The following SVIL variants were observed in gnomAD, a reference collection of about 807,000 sequenced individuals.
The protein encoded by SVIL is archvillin.
Under a neutral mutation model 240.4 loss-of-function variants are expected in SVIL, and 101 were observed. The ratio of observed to expected loss-of-function variants is 0.42; its 90% CI spans 0.36 to 0.50. The LOEUF (loss-of-function observed/expected upper bound fraction) is 0.50, where lower values mean the gene tolerates loss of function less well. Among genes scored for constraint, SVIL ranks in the 20% least tolerant of loss-of-function variants. The pLI is 0.01. For missense variants in SVIL, 2,512 were observed against 2,818.7 expected, an observed-to-expected ratio of 0.89 and a Z score of 2.46; for synonymous variants, 999 against 1,100.0, an observed-to-expected ratio of 0.91 and a Z score of 1.82.
chr10:29,539,822 C>T (rs941556709), intron 6 of SVIL, among the ~76,000 whole-genome samples: 1 of 152,148 alleles, frequency 6.6e-6, no homozygotes, highest in Admixed American at 6.5e-5. Context: ...TCTTAACTTC[C>T]CTCTGTCCCA....
chr10:29,467,603 T>C, intron 33 of SVIL, 139 bp downstream of exon 33: 2 of 1,097,390 alleles, frequency 1.8e-6, no homozygotes, highest in South Asian at 1.6e-5. Flanking sequence ...TGAGGCAGGC[T>C]GATCACTTGA....
chr10:29,682,030 C>G (rs543436549), intron 2 of SVIL, among the ~76,000 whole-genome samples: 1 of 152,244 alleles, frequency 6.6e-6, no homozygotes. Flanking sequence ...CTCAGCCCAT[C>G]AGAGAGTTTC....
chr10:29,641,494 G>A (rs1589439795), intron 3 of SVIL, among the ~76,000 whole-genome samples: 1 of 152,176 alleles, frequency 6.6e-6, no homozygotes, highest in East Asian at 1.9e-4. Context: ...CTTGAACCCA[G>A]GAAGCAGAGG....
chr10:29,495,680 T>C (rs1023298841), intron 18 of SVIL, among the ~76,000 whole-genome samples: 3 of 152,124 alleles, frequency 2.0e-5, no homozygotes, highest in Non-Finnish European at 4.4e-5. Context: ...CAGAAGAAAT[T>C]ACAGACCAGG....
rs764189507 is a variant in SVIL at position 29,493,313 on chromosome 10, G to A, written c.3920C>T (p.Thr1307Ile). The A allele has an allele frequency of 1.9e-6, 3 of 1,614,110 alleles. No individual in the cohort carries two copies. Among genetic ancestry groups the A allele is most frequent in the Non-Finnish European group, 2.5e-6 (3 of 1,180,032 alleles). ...KEVMKPDDDE[T>I]FAKFYRSVDY... ...CACGCTGCGGTAAAATTTGGCAAAG[G>A]TTTCATCATCATCTGGCTTCATCAC... is the stretch of plus-strand genomic sequence containing the variant. Residue 1307 changes from threonine (T) to isoleucine (I), a missense_variant, in exon 21 of 38, where the codon ACC becomes ATC. Thr to Ile is a moderately conservative substitution (Grantham distance 89). This residue lies in a region of SVIL where 272 missense variants were observed against 406.8 expected (regional missense o/e 0.67). Transcript: ENST00000355867.
At chr10:29,644,103 C>A (rs1447182209) in intron 3 of SVIL, 1 of 468,858 alleles carries the variant, frequency 2.1e-6, no homozygotes, top group Non-Finnish European at 4.3e-6. Context: ...TGCTGTCAAG[C>A]AGCAGCTCAC....
chr10:29,632,925 G>A (rs1775276504), intron 1 of SVIL, among the ~76,000 whole-genome samples: 1 of 152,132 alleles, frequency 6.6e-6, no homozygotes, highest in African/African-American at 2.4e-5. Flanking sequence ...CACACTTGAT[G>A]CCCTGGATCC....
At chr10:29,615,358 A>G (rs140545963) in intron 1 of SVIL, among the ~76,000 whole-genome samples, 1 of 152,362 alleles carries the variant, frequency 6.6e-6, no homozygotes, top group East Asian at 1.9e-4. Flanking sequence ...ATTATTTACC[A>G]TATTTTCCCC....
chr10:29,593,920 G>A (rs574210791), intron 1 of SVIL, among the ~76,000 whole-genome samples: 1 of 152,282 alleles, frequency 6.6e-6, no homozygotes, highest in South Asian at 2.1e-4. Flanking sequence ...CTGGGGTTGG[G>A]AGGGGAGGGA....
intron 1 of SVIL, among the ~76,000 whole-genome samples, chr10:29,700,853 G>T (rs111892032): frequency 2.3e-4 from 35 of 152,112 alleles, no homozygotes; most frequent in Non-Finnish European, 4.7e-4. Flanking sequence ...CAGTCCTCTT[G>T]GTTATTTGAG....
intron 2 of SVIL, 71 bp from the exon 3 acceptor site, chr10:29,563,363 C>T (rs1974082): frequency 0.51 from 331,882 of 654,980 alleles, 86,170 homozygotes; most frequent in African/African-American, 0.69. Flanking sequence ...ATGCAGAACA[C>T]AAAAATTATG....
At chr10:29,576,211 G>C (rs1955688605) in intron 1 of SVIL, 1 of 731,536 alleles carries the variant, frequency 1.4e-6, no homozygotes, top group Admixed American at 6.3e-5. Context: ...TGACAATCAG[G>C]GCCTTTCCTT....
intron 1 of SVIL, among the ~76,000 whole-genome samples, chr10:29,716,190 G>A (rs912492036): frequency 2.8e-5 from 4 of 145,230 alleles, no homozygotes; most frequent in Non-Finnish European, 6.0e-5. Context: ...GTGTTCATAT[G>A]AATATTTTAC....
chr10:29,688,464 A>G (rs2132607186), intron 1 of SVIL, among the ~76,000 whole-genome samples: 1 of 152,360 alleles, frequency 6.6e-6, no homozygotes, highest in Admixed American at 6.5e-5. Flanking sequence ...ATTTAACACC[A>G]GGCTCCCTGG....
intron 16 of SVIL, among the ~76,000 whole-genome samples, chr10:29,521,093 T>A (rs1182744599): frequency 6.6e-6 from 1 of 151,314 alleles, no homozygotes; most frequent in Non-Finnish European, 1.5e-5. Context: ...TGTGGTGGTG[T>A]GCGTCTGTAG....
chr10:29,481,249 G>A (rs1299006774), intron 28 of SVIL, among the ~76,000 whole-genome samples: 1 of 150,024 alleles, frequency 6.7e-6, no homozygotes, highest in Non-Finnish European at 1.5e-5. Context: ...GGTATGATTC[G>A]ATGTGTTGAT....
chr10:29,532,278 C>G (rs1951425797), intron 8 of SVIL, 106 bp from the exon 9 acceptor site: 2 of 1,364,022 alleles, frequency 1.5e-6, no homozygotes, highest in Middle Eastern at 2.6e-4. Context: ...CAGACACCAC[C>G]AAACCCCTCT....
intron 2 of SVIL, among the ~76,000 whole-genome samples, chr10:29,668,459 A>C (rs2133052777): frequency 6.6e-6 from 1 of 152,270 alleles, no homozygotes; most frequent in African/African-American, 2.4e-5. Flanking sequence ...TCTTCAGGCA[A>C]GAAGTAAAAT....
intron 2 of SVIL, among the ~76,000 whole-genome samples, chr10:29,677,156 T>C (rs1828105326): frequency 6.6e-6 from 1 of 152,170 alleles, no homozygotes; most frequent in Non-Finnish European, 1.5e-5. Flanking sequence ...TCCTATTCTA[T>C]AAAATTCTCC....
Sources: gnomAD v4.1 joint callset for allele counts (sites outside exome capture counted in the v4.1 genomes callset) on GRCh38, gnomAD v4.1.1 for gene constraint, gnomAD v4.1.1 regional missense constraint, MANE v1.5 for transcripts, NCBI Gene and HGNC (gene_info 2026-07-23, HGNC 2026-07-21) for gene names.